DCC: variants seen among roughly 807,000 people sequenced by gnomAD.
DCC encodes DCC netrin 1 receptor.
In DCC, 58 loss-of-function variants were observed where a neutral mutation model predicts 172.5. The ratio of observed to expected loss-of-function variants is 0.34; its 90% CI spans 0.27 to 0.42. DCC has a LOEUF of 0.42. DCC is among the 10% of genes least tolerant of loss of function. The probability of loss-of-function intolerance (pLI) is 1.00; values close to 1 mark genes in which losing one functional copy is unlikely to be tolerated. For synonymous variants in DCC, 709 were observed against 644.5 expected (o/e 1.10, Z -1.52); for missense variants, 1,740 against 1,791.0 (o/e 0.97, Z 0.51).
intron 1 of DCC, among the ~76,000 whole-genome samples, chr18:52,751,278 G>C (rs1390985049): frequency 1.3e-5 from 2 of 152,098 alleles, no homozygotes; most frequent in African/African-American, 4.8e-5. Context: ...ATGCTATACT[G>C]CCAGCTTCAA....
At chr18:53,468,539 T>C (rs1341757848) in intron 25 of DCC, among the ~76,000 whole-genome samples, 1 of 151,866 alleles carries the variant, frequency 6.6e-6, no homozygotes, top group Non-Finnish European at 1.5e-5. Flanking sequence ...TGCACCACCA[T>C]GCCCAGCTAA....
chr18:52,925,113 G>GAA lies in DCC; in HGVS notation c.849-120_849-119insAA. ...AGTGAGACTTTAATCAAGCCCTTAT[G>GAA]ATACACAGTTTCTTTCAAGTGTCTT... On this transcript the variant is annotated intron_variant, in intron 4 of 28. Transcript: ENST00000442544. The GAA allele has an allele frequency of 6.1e-6, 6 of 984,054 alleles. No individual in the cohort carries two copies. The South Asian group carries it at 7.9e-5, about 13-fold the overall frequency. The allele number at this position is 984,054 out of a possible 1,614,324, so 61.0% of individuals were successfully genotyped here. A position where few individuals can be genotyped will look rare whatever the true frequency, so the allele number is the denominator to read the frequency against.
chr18:52,686,119 C>T (rs2035829993), intron 1 of DCC, among the ~76,000 whole-genome samples: 1 of 152,122 alleles, frequency 6.6e-6, no homozygotes, highest in African/African-American at 2.4e-5. Context: ...AGGAATTCTA[C>T]TTCTGAGGCT....
intron 1 of DCC, among the ~76,000 whole-genome samples, chr18:52,421,550 G>C (rs968603704): frequency 6.6e-6 from 1 of 152,310 alleles, no homozygotes; most frequent in Non-Finnish European, 1.5e-5. Flanking sequence ...TCAGGCTCTT[G>C]AGGGATGGTG....
intron 1 of DCC, among the ~76,000 whole-genome samples, chr18:52,430,677 C>G (rs2144466237): frequency 6.6e-6 from 1 of 152,154 alleles, no homozygotes; most frequent in East Asian, 1.9e-4. Flanking sequence ...GTGGAATAAG[C>G]CAGTTTATGT....
At position 52,936,473 on chromosome 18, in the gene DCC, G is replaced by A. The variant is rs2040383094; in HGVS notation, c.985+11103G>A. ...CTCCCTTTCCTTTCTCCCTTCCACTGGAGAAAATAATGTGAGCATTGCTTT... is the reference window on the plus strand; with the variant it reads ...CTCCCTTTCCTTTCTCCCTTCCACTAGAGAAAATAATGTGAGCATTGCTTT... On this transcript the variant is annotated intron_variant, in intron 5 of 28. Transcript: ENST00000442544. Among the ~76,000 whole-genome samples, 2 of 121,384 alleles carry A rather than the reference G, an allele frequency of 1.6e-5. 1 individual carries two copies. The highest frequency in any genetic ancestry group is 3.9e-5 in the Non-Finnish European group (2 of 51,332). The allele number at this position is 121,384 out of a possible 152,430, so 79.6% of individuals were successfully genotyped here. A position where few individuals can be genotyped will look rare whatever the true frequency, so the allele number is the denominator to read the frequency against.
intron 15 of DCC, among the ~76,000 whole-genome samples, chr18:53,380,086 A>G (rs563231601): frequency 1.3e-5 from 2 of 152,288 alleles, no homozygotes; most frequent in South Asian, 4.1e-4. Context: ...TTCCTGCACA[A>G]TGGGGTCTGG....
intron 1 of DCC, among the ~76,000 whole-genome samples, chr18:52,737,151 A>AT (rs895324895): frequency 1.1e-4 from 17 of 152,090 alleles, no homozygotes; most frequent in South Asian, 6.2e-4. Flanking sequence ...AGTCTTACTG[A>AT]TTTTTTTTAT....
At chr18:53,074,421 A>G (rs1408489271) in intron 7 of DCC, among the ~76,000 whole-genome samples, 1 of 152,168 alleles carries the variant, frequency 6.6e-6, no homozygotes, top group Admixed American at 6.6e-5. Context: ...TATTGCAGTG[A>G]TATTATAGCT....
intron 8 of DCC, among the ~76,000 whole-genome samples, chr18:53,162,542 T>C (rs887526773): frequency 4.6e-5 from 7 of 152,172 alleles, no homozygotes; most frequent in Non-Finnish European, 1.0e-4. Context: ...CCTTGCCTTT[T>C]TCTCATGTTA....
intron 12 of DCC, among the ~76,000 whole-genome samples, chr18:53,301,465 G>A (rs1177831974): frequency 6.6e-6 from 1 of 151,932 alleles, no homozygotes; most frequent in East Asian, 1.9e-4. Flanking sequence ...AAACCTCTGT[G>A]TGCTTATTTT....
chr18:52,384,693 G>A (rs540839957), intron 1 of DCC, among the ~76,000 whole-genome samples: 2 of 152,110 alleles, frequency 1.3e-5, no homozygotes, highest in African/African-American at 4.8e-5. Flanking sequence ...GCCCGCATTT[G>A]TATGCCTGAT....
At chr18:52,629,789 A>C (rs1276381583) in intron 1 of DCC, among the ~76,000 whole-genome samples, 1 of 152,000 alleles carries the variant, frequency 6.6e-6, no homozygotes, top group Non-Finnish European at 1.5e-5. Flanking sequence ...TCTCTACTAA[A>C]AACACAAAAA....
intron 1 of DCC, among the ~76,000 whole-genome samples, chr18:52,480,548 T>C (rs1181316437): frequency 2.0e-5 from 3 of 152,172 alleles, no homozygotes; most frequent in South Asian, 4.1e-4. Flanking sequence ...AAAACAGTGA[T>C]AAAATTAATA....
rs1355608870 is a variant in DCC at position 53,086,489 on chromosome 18, TTCTTCTTCTTC to T, written c.1261+20324_1261+20334del. On this transcript the variant is annotated intron_variant, in intron 7 of 28. Transcript: ENST00000442544. The stretch of plus-strand genomic sequence containing the variant: ...CTTCTTCTTCCTTTCTTCTTCTTCT[TTCTTCTTCTTC>T]CTTTCTTCTTCTTCTTCTTTCTTCT... Among the ~76,000 whole-genome samples the T allele has an allele frequency of 4.0e-5, 2 of 50,402 alleles. 1 individual carries two copies. The highest frequency in any genetic ancestry group is 4.7e-4 in the African/African-American group (2 of 4,292). The allele number at this position is 50,402 out of a possible 152,430, so 33.1% of individuals were successfully genotyped here.
chr18:52,461,843 G>A (rs936413478), intron 1 of DCC, among the ~76,000 whole-genome samples: 2 of 151,978 alleles, frequency 1.3e-5, no homozygotes, highest in Admixed American at 6.6e-5. Context: ...ACCTCTCCCC[G>A]AAACTACAGT....
At chr18:52,848,150 A>C (rs1279684652) in intron 2 of DCC, among the ~76,000 whole-genome samples, 1 of 149,206 alleles carries the variant, frequency 6.7e-6, no homozygotes, top group Non-Finnish European at 1.5e-5. Context: ...CAGTGGTGCA[A>C]TCTCAGCTCA....
chr18:53,071,117 G>A (rs911769705), intron 7 of DCC, among the ~76,000 whole-genome samples: 1 of 152,174 alleles, frequency 6.6e-6, no homozygotes, highest in Non-Finnish European at 1.5e-5. Context: ...TCTGCTTCTC[G>A]CTGGAGTACA....
intron 2 of DCC, among the ~76,000 whole-genome samples, chr18:52,884,063 T>G (rs1161111838): frequency 6.6e-6 from 1 of 152,084 alleles, no homozygotes; most frequent in Non-Finnish European, 1.5e-5. Context: ...CCGAAAACTC[T>G]GCTGCCAGAC....
Sources: allele counts gnomAD v4.1 joint callset (sites outside exome capture counted in the v4.1 genomes callset), GRCh38; gene constraint gnomAD v4.1.1; transcripts MANE v1.5; gene names NCBI Gene and HGNC (gene_info 2026-07-23, HGNC 2026-07-21).